The following BCAR3 variants were observed in gnomAD, a reference collection of about 807,000 sequenced individuals.
The protein encoded by BCAR3 is BCAR3 adaptor protein, NSP family member, also known as breast cancer anti-estrogen resistance protein 3.
Under a neutral mutation model 80.1 loss-of-function variants are expected in BCAR3, and 37 were observed. The ratio of observed to expected loss-of-function variants is 0.46; its 90% confidence interval spans 0.36 to 0.61. The LOEUF (loss-of-function observed/expected upper bound fraction) is 0.61, where lower values mean the gene tolerates loss of function less well. BCAR3 is among the 20% of genes least tolerant of loss of function. The pLI, the probability that BCAR3 is intolerant of heterozygous loss-of-function variation, is 0.00. For synonymous variants in BCAR3, 389 were observed against 418.9 expected, an observed-to-expected ratio of 0.93 and a Z score of 0.87; for missense variants, 978 against 1,068.2, an observed-to-expected ratio of 0.92 and a Z score of 1.18.
At chr1:93,634,240 C>T (rs75107787) in intron 3 of BCAR3, among the ~76,000 whole-genome samples, 4,602 of 152,272 alleles carry the variant, frequency 0.03, 80 homozygotes, top group Middle Eastern at 0.054. Context: ...TCAAGATTCA[C>T]CCATGATATG....
intron 3 of BCAR3, among the ~76,000 whole-genome samples, chr1:93,688,992 A>G (rs962427409): frequency 2.6e-5 from 4 of 152,208 alleles, no homozygotes; most frequent in Admixed American, 6.5e-5. Flanking sequence ...TCAAAAACAT[A>G]TTTTAAAAAT....
chr1:93,760,195 C>T (rs754247887), intron 2 of BCAR3, among the ~76,000 whole-genome samples: 9 of 151,760 alleles, frequency 5.9e-5, no homozygotes, highest in Non-Finnish European at 8.8e-5. Context: ...CTGGAGTTTT[C>T]GGGCTAACCA....
At chr1:93,733,323 A>AT (rs1399059740) in intron 2 of BCAR3, among the ~76,000 whole-genome samples, 2 of 152,072 alleles carry the variant, frequency 1.3e-5, no homozygotes, top group Non-Finnish European at 2.9e-5. Context: ...AGTATTTTGG[A>AT]TTTTTTTGTA....
rs144928860 is a variant in BCAR3 at position 93,674,821 on chromosome 1, T to A, written c.110A>T (p.His37Leu). ...LLSSRSPLAE[H>L]RPDAYQDVSI... is the part of the protein sequence containing the mutation. ...CACATCTTGATAGGCATCTGGGCGA[T>A]GCTCAGCGAGAGGGGACCTGCTGCT... The change falls in exon 2 of 12, where the codon CAT becomes CTT. Residue 37 changes from histidine to leucine, a missense_variant. Physicochemically the swap from His to Leu is moderately conservative, Grantham distance 99. Coordinates refer to ENST00000260502, the MANE Select transcript of BCAR3 (RefSeq NM_003567.4). The A allele has an allele frequency of 6.9e-5, 110 of 1,605,306 alleles. No individual in the cohort carries two copies. Among genetic ancestry groups the A allele is most frequent in the Admixed American group, 8.7e-5 (5 of 57,800 alleles).
intron 4 of BCAR3, chr1:93,590,114 C>A (rs1321455230): frequency 6.6e-6 from 1 of 152,182 alleles, no homozygotes. Context: ...GCTAGAAGGC[C>A]TAGAACAAAG....
At chr1:93,777,421 T>A (rs1652603169) in intron 2 of BCAR3, among the ~76,000 whole-genome samples, 1 of 131,568 alleles carries the variant, frequency 7.6e-6, no homozygotes, top group African/African-American at 3.2e-5. Flanking sequence ...CTCTTCCTCC[T>A]CCTCTTCCTC....
intron 3 of BCAR3, among the ~76,000 whole-genome samples, chr1:93,634,455 G>A (rs1675716069): frequency 6.6e-6 from 1 of 152,276 alleles, no homozygotes; most frequent in African/African-American, 2.4e-5. Context: ...ACTTTGGGAG[G>A]TCGAGGTGGG....
chr1:93,651,777 C>T (rs1394627524), intron 2 of BCAR3, among the ~76,000 whole-genome samples: 4 of 152,114 alleles, frequency 2.6e-5, no homozygotes, highest in Non-Finnish European at 5.9e-5. Context: ...CCCACTCTGG[C>T]CTTACCCCTA....
At chr1:93,732,760 C>T (rs1409591322) in intron 2 of BCAR3, among the ~76,000 whole-genome samples, 3 of 152,214 alleles carry the variant, frequency 2.0e-5, no homozygotes, top group Non-Finnish European at 4.4e-5. Flanking sequence ...TTCTCCAAAA[C>T]CCCAAACTGC....
intron 2 of BCAR3, among the ~76,000 whole-genome samples, chr1:93,783,465 C>T (rs1475922155): frequency 6.6e-6 from 1 of 151,628 alleles, no homozygotes; most frequent in Non-Finnish European, 1.5e-5. Context: ...AGCAGCTGTA[C>T]AAAATAGCAA....
chr1:93,786,869 T>C (rs986128166), intron 2 of BCAR3, among the ~76,000 whole-genome samples: 1 of 152,190 alleles, frequency 6.6e-6, no homozygotes, highest in African/African-American at 2.4e-5. Context: ...CCAAACTCTT[T>C]TTAAGTGTGA....
At chr1:93,652,730 T>G (rs1310388353) in intron 2 of BCAR3, among the ~76,000 whole-genome samples, 1 of 151,938 alleles carries the variant, frequency 6.6e-6, no homozygotes, top group Non-Finnish European at 1.5e-5. Context: ...CAACGGAGGG[T>G]CTGGCAGGCA....
intron 2 of BCAR3, among the ~76,000 whole-genome samples, chr1:93,657,059 T>G (rs1647425750): frequency 6.6e-6 from 1 of 152,232 alleles, no homozygotes. Context: ...ATTGTTTCGT[T>G]ACTAGTGGGC....
At chr1:93,841,497 C>T (rs1654959145) in intron 2 of BCAR3, among the ~76,000 whole-genome samples, 1 of 152,228 alleles carries the variant, frequency 6.6e-6, no homozygotes, top group Non-Finnish European at 1.5e-5. Flanking sequence ...TTACAAGATA[C>T]TCCTACATCC....
intron 2 of BCAR3, among the ~76,000 whole-genome samples, chr1:93,842,353 T>C (rs1654991280): frequency 6.6e-6 from 1 of 152,068 alleles, no homozygotes; most frequent in South Asian, 2.1e-4. Context: ...GGTTTCACCA[T>C]GTTGGCCAGG....
intron 1 of BCAR3, chr1:93,846,771 C>A: frequency 2.3e-6 from 1 of 441,328 alleles, no homozygotes; most frequent in South Asian, 1.6e-5. Context: ...GGCAGCTGCG[C>A]GGCGTCCTTG....
intron 2 of BCAR3, among the ~76,000 whole-genome samples, chr1:93,808,246 C>T (rs1036395198): frequency 2.0e-5 from 3 of 151,876 alleles, no homozygotes; most frequent in African/African-American, 7.3e-5. Flanking sequence ...ATGCCCAGAA[C>T]AAATGAATCA....
intron 2 of BCAR3, among the ~76,000 whole-genome samples, chr1:93,826,832 G>C (rs1273874114): frequency 3.3e-5 from 5 of 152,134 alleles, no homozygotes; most frequent in African/African-American, 1.2e-4. Flanking sequence ...ATGCACGTGT[G>C]TGTGTATAAA....
intron 2 of BCAR3, among the ~76,000 whole-genome samples, chr1:93,800,661 T>C (rs1448644168): frequency 2.6e-5 from 4 of 152,208 alleles, no homozygotes; most frequent in African/African-American, 9.7e-5. Context: ...TGAATTTGGA[T>C]GATTATCTGC....
Sources: allele counts gnomAD v4.1 joint callset (sites outside exome capture counted in the v4.1 genomes callset), GRCh38; gene constraint gnomAD v4.1.1; transcripts MANE v1.5; gene names NCBI Gene and HGNC (gene_info 2026-07-23, HGNC 2026-07-21).